The following FRMPD2 variants were observed in gnomAD, a reference collection of about 807,000 sequenced individuals.
FRMPD2 encodes the protein FERM and PDZ domain-containing protein 2.
Under a neutral mutation model 140.1 loss-of-function variants are expected in FRMPD2, and 96 were observed. The observed-to-expected ratio is 0.69, with a 90% CI of 0.58 to 0.81. FRMPD2 has a LOEUF of 0.81. Among genes scored for constraint, FRMPD2 ranks in the 40% least tolerant of loss-of-function variants. The probability of loss-of-function intolerance (pLI) is 0.00; values close to 1 mark genes in which losing one functional copy is unlikely to be tolerated. For synonymous variants in FRMPD2, 449 were observed against 547.6 expected (o/e 0.82, Z 2.52); for missense variants, 1,240 against 1,447.4 (o/e 0.86, Z 2.32).
intron 24 of FRMPD2, among the ~76,000 whole-genome samples, chr10:48,174,294 G>A (rs1838347107): frequency 6.6e-6 from 1 of 151,594 alleles, no homozygotes; most frequent in Admixed American, 6.6e-5. Flanking sequence ...CGGCACAGTG[G>A]GATAACATCG....
intron 28 of FRMPD2, among the ~76,000 whole-genome samples, chr10:48,160,107 A>C (rs1470200932): frequency 6.6e-6 from 1 of 151,632 alleles, no homozygotes; most frequent in South Asian, 2.1e-4. Flanking sequence ...CCTTCTGCCT[A>C]CCTTTAGGAA....
chr10:48,195,349 T>C (rs1838926417), intron 15 of FRMPD2, among the ~76,000 whole-genome samples: 1 of 152,190 alleles, frequency 6.6e-6, no homozygotes, highest in Non-Finnish European at 1.5e-5. Context: ...GAACCAAATA[T>C]AACTATAAAG....
At chr10:48,173,182 G>T in intron 24 of FRMPD2, 89 bp from the exon 25 acceptor site, 7 of 547,724 alleles carry the variant, frequency 1.3e-5, no homozygotes, top group South Asian at 1.1e-4. Flanking sequence ...CTTAATTTTC[G>T]AATCCTTCCT....
At chr10:48,235,099 C>T (rs571003660) in intron 9 of FRMPD2, among the ~76,000 whole-genome samples, 1 of 152,248 alleles carries the variant, frequency 6.6e-6, no homozygotes, top group East Asian at 1.9e-4. Flanking sequence ...CTCTGACTTG[C>T]AAGCCCCATA....
At chr10:48,266,856 A>G (rs1840686285) in intron 1 of FRMPD2, among the ~76,000 whole-genome samples, 1 of 152,216 alleles carries the variant, frequency 6.6e-6, no homozygotes, top group Non-Finnish European at 1.5e-5. Context: ...TTTTACCACC[A>G]TGCAGTGGTA....
intron 8 of FRMPD2, among the ~76,000 whole-genome samples, chr10:48,236,763 A>T (rs1385542401): frequency 6.6e-6 from 1 of 152,230 alleles, no homozygotes; most frequent in East Asian, 1.9e-4. Context: ...ATAGGGTATC[A>T]GCAACATTCT....
At chr10:48,264,902 C>A (rs1425323959) in intron 1 of FRMPD2, among the ~76,000 whole-genome samples, 1 of 152,090 alleles carries the variant, frequency 6.6e-6, no homozygotes, top group African/African-American at 2.4e-5. Context: ...AGTTACTATA[C>A]CAAGGCAATC....
intron 13 of FRMPD2, among the ~76,000 whole-genome samples, chr10:48,210,268 C>T (rs770133812): frequency 6.6e-6 from 1 of 152,142 alleles, no homozygotes; most frequent in Non-Finnish European, 1.5e-5. Context: ...ACCAGTTTAC[C>T]AAGGGAAACT....
chr10:48,199,343 G>A (rs1228239962), intron 15 of FRMPD2, among the ~76,000 whole-genome samples: 1 of 151,352 alleles, frequency 6.6e-6, no homozygotes, highest in Non-Finnish European at 1.5e-5. Flanking sequence ...TAAAACAAGG[G>A]TATTTATAGT....
At chr10:48,264,425 A>G (rs1840647486) in intron 1 of FRMPD2, among the ~76,000 whole-genome samples, 1 of 152,166 alleles carries the variant, frequency 6.6e-6, no homozygotes, top group African/African-American at 2.4e-5. Flanking sequence ...TGATTATAGA[A>G]ACATTGCAGG....
At chr10:48,250,750 T>C (rs1006474688) in intron 2 of FRMPD2, among the ~76,000 whole-genome samples, 20 of 151,498 alleles carry the variant, frequency 1.3e-4, no homozygotes, top group African/African-American at 4.9e-4. Context: ...TGTTTAGTAA[T>C]TCTTTCTATT....
intron 1 of FRMPD2, 87 bp from the exon 2 acceptor site, chr10:48,251,778 C>G: frequency 2.6e-6 from 4 of 1,531,892 alleles, no homozygotes; most frequent in Non-Finnish European, 2.7e-6. Context: ...TGCAGCCAGG[C>G]ATGGTCTGGC....
intron 9 of FRMPD2, among the ~76,000 whole-genome samples, chr10:48,232,680 C>T (rs919554788): frequency 6.6e-5 from 10 of 152,168 alleles, no homozygotes; most frequent in South Asian, 2.1e-4. Flanking sequence ...ATCAATCTGT[C>T]GATCTGACAT....
rs191882605 is a variant in FRMPD2, at chr10:48,237,366, C to T, written c.921+625G>A. On this transcript the variant is annotated intron_variant, in intron 8 of 28. Coordinates refer to ENST00000374201, the MANE Select transcript of FRMPD2 (RefSeq NM_001018071.4). ...CAAAGCCTCTCAGAAGCCCTCTTCA[C>T]GCCCTCCACCAAGTTCATGGAGGCC... 1.7e-3 allele frequency among the ~76,000 whole-genome samples: 260 copies of T among 152,214 alleles called. 1 individual carries two copies. Among genetic ancestry groups the T allele is most frequent in the Middle Eastern group, 6.8e-3 (2 of 294 alleles).
At chr10:48,177,578 A>T in intron 22 of FRMPD2, 1 of 161,910 alleles carries the variant, frequency 6.2e-6, no homozygotes, top group Admixed American at 5.7e-5. Context: ...CAGAAACCAA[A>T]TGGAAAGTGT....
chr10:48,265,085 A>T (rs1038602104), intron 1 of FRMPD2, among the ~76,000 whole-genome samples: 1 of 152,346 alleles, frequency 6.6e-6, no homozygotes, highest in South Asian at 2.1e-4. Flanking sequence ...CTGATCTTCA[A>T]CAAAGCTGAC....
In FRMPD2 at chr10:48,202,987, C is replaced by T. The variant is rs540297968; in HGVS notation, c.1798-1603G>A. ...AGCTAATTTTTGTATTTTTTAGAGA[C>T]AGGGGTATCGCTCTGTTGCCCAGGC... On this transcript the variant is annotated intron_variant, in intron 14 of 28. Coordinates refer to ENST00000374201, the MANE Select transcript of FRMPD2 (RefSeq NM_001018071.4). Among the ~76,000 whole-genome samples the T allele has an allele frequency of 2.0e-5, 3 of 152,122 alleles. No homozygotes were observed. The East Asian group carries it at 5.8e-4, about 29-fold the overall frequency.
At chr10:48,274,720 C>G, upstream of FRMPD2, 1 of 691,758 alleles carries the variant, frequency 1.4e-6, no homozygotes, top group Non-Finnish European at 2.6e-6. Context: ...CACTTGCTGC[C>G]CAGCGAGTGA....
intron 12 of FRMPD2, among the ~76,000 whole-genome samples, chr10:48,219,393 C>A (rs1480632711): frequency 6.6e-6 from 1 of 152,112 alleles, no homozygotes; most frequent in Non-Finnish European, 1.5e-5. Context: ...GCTGGGAGGT[C>A]ACCAGGGAAG....
Sources: gnomAD v4.1 joint callset for allele counts (sites outside exome capture counted in the v4.1 genomes callset) on GRCh38, gnomAD v4.1.1 for gene constraint, MANE v1.5 for transcripts, NCBI Gene and HGNC (gene_info 2026-07-23, HGNC 2026-07-21) for gene names.